DNAH14: variants seen among roughly 807,000 people sequenced by gnomAD.
DNAH14 encodes dynein axonemal heavy chain 14.
Under a neutral mutation model 520.9 loss-of-function variants are expected in DNAH14, and 478 were observed. That is an observed-to-expected ratio of 0.92 (90% CI 0.85 to 0.99). The LOEUF (loss-of-function observed/expected upper bound fraction) is 0.99. DNAH14 is among the 50% of genes least tolerant of loss of function. DNAH14 has a pLI of 0.00. For synonymous variants in DNAH14, 1,581 were observed against 1,757.2 expected, an observed-to-expected ratio of 0.90 and a Z score of 2.51; for missense variants, 4,831 against 5,234.5, an observed-to-expected ratio of 0.92 and a Z score of 2.38.
chr1:225,061,661 T>A (rs1191764324), intron 17 of DNAH14, among the ~76,000 whole-genome samples: 1 of 152,066 alleles, frequency 6.6e-6, no homozygotes, highest in Non-Finnish European at 1.5e-5. Flanking sequence ...GATCCTAGAT[T>A]ATTGTTTTTT....
chr1:225,307,073 C>A (rs1196271495), intron 58 of DNAH14, among the ~76,000 whole-genome samples: 1 of 152,070 alleles, frequency 6.6e-6, no homozygotes, highest in African/African-American at 2.4e-5. Flanking sequence ...ACATTTAAAG[C>A]CCAATTTGCC....
chr1:225,265,478 G>A lies in DNAH14; in HGVS notation c.7410+109G>A, dbSNP rs2093078304. The A allele has an allele frequency of 8.7e-6, 8 of 919,368 alleles. No individual in the cohort carries two copies. In the South Asian group the frequency reaches 1.8e-4, roughly 20 times the overall value. The allele number at this position is 919,368 out of a possible 1,614,324, so 57.0% of individuals were successfully genotyped here. Reference sequence around the variant, plus strand: ...AAATATTTGTGTAACACACATTTTTGAACATCATAGAAGATGCAATGTATA... The same window carrying A: ...AAATATTTGTGTAACACACATTTTTAAACATCATAGAAGATGCAATGTATA... On this transcript the variant is annotated intron_variant, in intron 48 of 85. Transcript: ENST00000682510.
intron 85 of DNAH14, 53 bp downstream of exon 85, chr1:225,398,719 T>G (rs950944617): frequency 1.0e-5 from 16 of 1,536,282 alleles, no homozygotes; most frequent in South Asian, 3.6e-5. Context: ...GTTGCTTCAG[T>G]AATATACAAA....
intron 10 of DNAH14, among the ~76,000 whole-genome samples, chr1:225,013,111 T>C (rs1489514326): frequency 6.6e-6 from 1 of 152,216 alleles, no homozygotes; most frequent in Non-Finnish European, 1.5e-5. Context: ...TATCTACCTT[T>C]GGTCTTTGCT....
chr1:225,264,124 T>C, intron 46 of DNAH14, 73 bp from the exon 47 acceptor site: 2 of 1,300,490 alleles, frequency 1.5e-6, no homozygotes, highest in Admixed American at 2.4e-5. Context: ...ATGCTGTTAC[T>C]TTTTTGTTGT....
intron 1 of DNAH14, among the ~76,000 whole-genome samples, chr1:224,938,129 A>G (rs945530313): frequency 2.6e-5 from 4 of 151,476 alleles, no homozygotes; most frequent in African/African-American, 7.2e-5. Flanking sequence ...TGATCCAGGT[A>G]TTTGGCAAAG....
chr1:225,303,525 A>C (rs1010690421), intron 57 of DNAH14, among the ~76,000 whole-genome samples, 178 bp downstream of exon 57: 1 of 152,158 alleles, frequency 6.6e-6, no homozygotes, highest in Non-Finnish European at 1.5e-5. Flanking sequence ...TGTACCCCTG[A>C]ATTCACCCTA....
chr1:225,168,270 A>G (rs2082228593), intron 36 of DNAH14, among the ~76,000 whole-genome samples: 1 of 152,158 alleles, frequency 6.6e-6, no homozygotes, highest in South Asian at 2.1e-4. Context: ...CTGCATTTCC[A>G]ACTGAGGTAA....
At chr1:225,343,155 C>G (rs2095226983) in intron 69 of DNAH14, among the ~76,000 whole-genome samples, 1 of 152,188 alleles carries the variant, frequency 6.6e-6, no homozygotes, top group African/African-American at 2.4e-5. Flanking sequence ...TAACAAATTG[C>G]TGCAAGTAAC....
chr1:225,118,108 TC>T lies in DNAH14; in HGVS notation c.4091+110del, dbSNP rs763751212. ...AAAGTGCGCTAAGCAAACTGTTTCT[TC>T]AAAGATTATATCCTTACGTAAATAT... On this transcript the variant is annotated intron_variant, in intron 25 of 85. Transcript: ENST00000682510. 5.2e-5 allele frequency: 43 copies of T among 820,814 alleles called. No homozygotes were observed. In the African/African-American group the frequency reaches 5.6e-4, roughly 11 times the overall value. The allele number at this position is 820,814 out of a possible 1,614,324, so 50.8% of individuals were successfully genotyped here. A position where few individuals can be genotyped will look rare whatever the true frequency, so the allele number is the denominator to read the frequency against.
intron 84 of DNAH14, among the ~76,000 whole-genome samples, chr1:225,394,597 C>T (rs931282705): frequency 6.6e-6 from 1 of 152,118 alleles, no homozygotes; most frequent in Non-Finnish European, 1.5e-5. Context: ...AATCCCAGCA[C>T]TTTGAGAGGT....
At chr1:225,160,516 A>G (rs1028621658) in intron 35 of DNAH14, among the ~76,000 whole-genome samples, 3 of 152,196 alleles carry the variant, frequency 2.0e-5, no homozygotes, top group Non-Finnish European at 4.4e-5. Context: ...CTTGAAAACC[A>G]TCTGGACCAG....
intron 43 of DNAH14, among the ~76,000 whole-genome samples, chr1:225,248,486 T>C (rs1057177940): frequency 6.6e-6 from 1 of 152,192 alleles, no homozygotes; most frequent in African/African-American, 2.4e-5. Flanking sequence ...AACTTTAGAT[T>C]TGTTAGAAAA....
chr1:225,105,457 T>C (rs556515604), intron 23 of DNAH14, among the ~76,000 whole-genome samples: 144 of 152,196 alleles, frequency 9.5e-4, no homozygotes, highest in Middle Eastern at 3.4e-3. Flanking sequence ...CTTTCTGTCT[T>C]GTTGATCTGT....
At chr1:225,097,093 T>A in intron 21 of DNAH14, 25 bp from the exon 22 acceptor site, 1 of 1,502,220 alleles carries the variant, frequency 6.7e-7, no homozygotes, top group Non-Finnish European at 8.9e-7. Context: ...TAGATTTGTA[T>A]GTGTATATGT....
At position 225,259,653 on chromosome 1, in the gene DNAH14, G is replaced by A. The variant is rs188677405; in HGVS notation, c.7157+400G>A. Among the ~76,000 whole-genome samples the A allele has an allele frequency of 4.2e-3, 642 of 152,186 alleles. 10 individuals are homozygous for A. The highest frequency in any genetic ancestry group is 4.3e-3 in the Non-Finnish European group (289 of 67,992). ...GTCACCATGCTGTGCAATAGATGTC[G>A]AATTCTTATTCTGCTTATCTAACTG... On this transcript the variant is annotated intron_variant, in intron 46 of 85. Coordinates refer to ENST00000682510, the MANE Select transcript of DNAH14 (RefSeq NM_001367479.1).
At chr1:225,146,027 G>A (rs185194217) in intron 30 of DNAH14, among the ~76,000 whole-genome samples, 5 of 152,256 alleles carry the variant, frequency 3.3e-5, no homozygotes, top group Non-Finnish European at 4.4e-5. Context: ...CACTTAGTAC[G>A]TTAAAAATAT....
intron 17 of DNAH14, among the ~76,000 whole-genome samples, chr1:225,061,077 C>T (rs1265245432): frequency 2.0e-5 from 3 of 152,202 alleles, no homozygotes; most frequent in Non-Finnish European, 4.4e-5. Flanking sequence ...GAGGATTCTG[C>T]TGCCTTTTGT....
chr1:225,180,170 T>G lies in DNAH14; in HGVS notation c.5536-5121T>G, dbSNP rs149847083. On this transcript the variant is annotated intron_variant, in intron 36 of 85. Transcript: ENST00000682510. ...ATCATTCTCTACATTTGTAAAGTTT[T>G]CTGTTATTATTTCTTGATATAAGCA... Among the ~76,000 whole-genome samples, 39 of 152,342 alleles carry G rather than the reference T, an allele frequency of 2.6e-4. No homozygotes were observed. The East Asian group carries it at 7.5e-3, about 29-fold the overall frequency.
Sources: allele counts gnomAD v4.1 joint callset (sites outside exome capture counted in the v4.1 genomes callset), GRCh38; gene constraint gnomAD v4.1.1; transcripts MANE v1.5; gene names NCBI Gene and HGNC (gene_info 2026-07-23, HGNC 2026-07-21).